ANKRD18B: variants seen among roughly 807,000 people sequenced by gnomAD.
ANKRD18B encodes ankyrin repeat domain 18B.
A neutral mutation model predicts 111.8 loss-of-function variants in ANKRD18B; 75 were observed. That is an observed-to-expected ratio of 0.67 (90% CI 0.56 to 0.81). The LOEUF is 0.81. Ranked by LOEUF, ANKRD18B falls within the 40% of genes least tolerant of loss-of-function variation. ANKRD18B has a pLI of 0.00. For synonymous variants in ANKRD18B, 356 were observed against 417.3 expected (o/e 0.85, Z 1.79); for missense variants, 1,038 against 1,225.5 (o/e 0.85, Z 2.28).
chr9:33,540,031 C>G (rs979870427), intron 7 of ANKRD18B, 47 bp from the exon 8 acceptor site: 6 of 151,790 alleles, frequency 4.0e-5, no homozygotes, highest in Non-Finnish European at 8.8e-5. Flanking sequence ...AATTCAGAAG[C>G]ATGCAGGGGA....
intron 12 of ANKRD18B, among the ~76,000 whole-genome samples, chr9:33,553,551 C>T (rs1828477930): frequency 6.6e-6 from 1 of 152,034 alleles, no homozygotes; most frequent in African/African-American, 2.4e-5. Context: ...AAGCAGGAGA[C>T]TACCTGGATT....
chr9:33,539,219 G>A (rs1465780553), intron 6 of ANKRD18B, among the ~76,000 whole-genome samples: 1 of 152,122 alleles, frequency 6.6e-6, no homozygotes, highest in Non-Finnish European at 1.5e-5. Context: ...CTGAAATAGT[G>A]TTTACTGTGT....
intron 2 of ANKRD18B, 26 bp from the exon 3 acceptor site, chr9:33,528,974 T>G: frequency 6.2e-7 from 1 of 1,610,860 alleles, no homozygotes; most frequent in South Asian, 1.1e-5. Flanking sequence ...GAATTTATAG[T>G]CTAGTTTTTT....
chr9:33,568,545 G>C, intron 16 of ANKRD18B, 126 bp from the exon 17 acceptor site: 1 of 758,610 alleles, frequency 1.3e-6, no homozygotes, highest in Non-Finnish European at 2.0e-6. Flanking sequence ...ACACATCTTC[G>C]TGTGAAAACA....
Position 33,548,640 on chromosome 9 carries a change from C to T in ANKRD18B, c.1852C>T (p.Arg618Cys), listed in dbSNP as rs1180519676. Reference sequence around the variant, plus strand: ...GCAGAACTCTTCAGAGGAGAGAATACGTCAACGAGAACTTGAAAATCTCTT... The same window carrying T: ...GCAGAACTCTTCAGAGGAGAGAATATGTCAACGAGAACTTGAAAATCTCTT... ...GKQNSSEERI[R>C]QRELENLLLE... Residue 618 changes from arginine (R) to cysteine (C), a missense_variant, in exon 11 of 19, where the codon CGT (arginine) becomes TGT (cysteine). This residue lies in a region of ANKRD18B where 524 missense variants were observed against 677.9 expected (regional missense o/e 0.77). Transcript: ENST00000684830. The T allele has an allele frequency of 3.9e-6, 6 of 1,551,206 alleles. No individual in the cohort carries two copies. In the Admixed American group the frequency reaches 5.9e-5, roughly 15 times the overall value.
At chr9:33,570,015 C>G (rs1183664715) in intron 17 of ANKRD18B, among the ~76,000 whole-genome samples, 2 of 152,182 alleles carry the variant, frequency 1.3e-5, no homozygotes, top group African/African-American at 4.8e-5. Flanking sequence ...CATTGCAGCA[C>G]TATTCACAAT....
Position 33,533,420 on chromosome 9 carries a change from T to G in ANKRD18B, c.496-19T>G. ...ATATGTAATTTTGTGAATTATAAAT[T>G]GTTTTTGCTTTCTTACAGGAGGGAA... On this transcript the variant is annotated intron_variant, in intron 3 of 18. Coordinates refer to ENST00000684830, the MANE Select transcript of ANKRD18B (RefSeq NM_001393611.1). The G allele has an allele frequency of 1.3e-6, 2 of 1,509,880 alleles. No homozygotes were observed. Among genetic ancestry groups the G allele is most frequent in the Non-Finnish European group, 1.8e-6 (2 of 1,133,032 alleles). 93.5% of individuals were successfully genotyped at this position (1,509,880 alleles called of 1,614,324 possible).
intron 17 of ANKRD18B, among the ~76,000 whole-genome samples, chr9:33,569,991 T>G (rs10813997): frequency 0.28 from 42,478 of 152,142 alleles, 6,839 homozygotes; most frequent in East Asian, 0.43. Context: ...AAAAGATACA[T>G]GCACATGTAT....
At chr9:33,568,201 A>C (rs1052637876) in intron 16 of ANKRD18B, among the ~76,000 whole-genome samples, 28 of 152,256 alleles carry the variant, frequency 1.8e-4, no homozygotes, top group African/African-American at 6.8e-4. Flanking sequence ...TGTTCATTTT[A>C]GTTTCCTTAA....
At chr9:33,524,811 G>T in intron 1 of ANKRD18B, 116 bp downstream of exon 1, 1 of 1,240,624 alleles carries the variant, frequency 8.1e-7, no homozygotes, top group Non-Finnish European at 1.1e-6. Flanking sequence ...GCCAAATGGA[G>T]CCTCAGCTGC....
chr9:33,534,387 C>T lies in ANKRD18B; in HGVS notation c.620C>T (p.Ala207Val), dbSNP rs1210999421. Residue 207 changes from alanine (A) to valine (V), a missense_variant, in exon 5 of 19, where the codon GCA becomes GTA. This residue lies in a region of ANKRD18B where 93 missense variants were observed against 141.3 expected (regional missense o/e 0.66). Coordinates refer to ENST00000684830, the MANE Select transcript of ANKRD18B (RefSeq NM_001393611.1). ...DNFKRTALIL[A>V]VQHNLSSIVT... The stretch of plus-strand genomic sequence containing the variant: ...TGTTTTAGAACAGCCCTCATACTTG[C>T]AGTACAGCATAACTTGTCAAGTATC... 1.3e-6 allele frequency: 2 copies of T among 1,545,594 alleles called. No individual in the cohort carries two copies. Among genetic ancestry groups the T allele is most frequent in the Non-Finnish European group, 8.7e-7 (1 of 1,145,118 alleles).
At chr9:33,533,648 T>TA in intron 4 of ANKRD18B, 103 bp downstream of exon 4, 1 of 1,426,028 alleles carries the variant, frequency 7.0e-7, no homozygotes, top group Non-Finnish European at 9.2e-7. Context: ...ATTAAACTTA[T>TA]AATTATTGGC....
chr9:33,535,815 ATATATT>A (rs939662120), intron 5 of ANKRD18B, among the ~76,000 whole-genome samples: 25 of 144,824 alleles, frequency 1.7e-4, no homozygotes, highest in Non-Finnish European at 3.6e-4. Flanking sequence ...TATATAATCT[ATATATT>A]ATATATAGAT....
In ANKRD18B at chr9:33,534,609, A is replaced by G. The variant is rs1178685793; in HGVS notation, c.740+102A>G. The G allele has an allele frequency of 4.3e-6, 6 of 1,399,424 alleles. No individual in the cohort carries two copies. The African/African-American group carries it at 8.8e-5, about 21-fold the overall frequency. The allele number at this position is 1,399,424 out of a possible 1,614,324, so 86.7% of individuals were successfully genotyped here. A position where few individuals can be genotyped will look rare whatever the true frequency, so the allele number is the denominator to read the frequency against. On this transcript the variant is annotated intron_variant, in intron 5 of 18. Transcript: ENST00000684830. ...TAGGTGACAGTTCATAGTTTGGTTGAGGTAGTTTGGAATGGCAACAAGTTA... is the reference window on the plus strand; with the variant it reads ...TAGGTGACAGTTCATAGTTTGGTTGGGGTAGTTTGGAATGGCAACAAGTTA...
At chr9:33,571,614 A>G (rs7036549) in intron 18 of ANKRD18B, 150,837 of 153,888 alleles carry the variant, frequency 0.98, 73,989 homozygotes, top group East Asian at 1. Context: ...CAAAAACAAA[A>G]GCATCAATTG....
intron 14 of ANKRD18B, among the ~76,000 whole-genome samples, chr9:33,560,005 A>G (rs1327380008): frequency 6.6e-6 from 1 of 152,112 alleles, no homozygotes; most frequent in Non-Finnish European, 1.5e-5. Context: ...CCTTCTTCGT[A>G]TAGATTTGCG....
In ANKRD18B at chr9:33,524,351, TG is replaced by T. The variant is rs2117945741; in HGVS notation, c.-134del. 1 of 1,288,160 alleles carries T rather than the reference TG, an allele frequency of 7.8e-7. No homozygotes were observed. Among genetic ancestry groups the T allele is most frequent in the East Asian group, 2.8e-5 (1 of 36,086 alleles). The allele number at this position is 1,288,160 out of a possible 1,614,324, so 79.8% of individuals were successfully genotyped here. A position where few individuals can be genotyped will look rare whatever the true frequency, so the allele number is the denominator to read the frequency against. ...CGGATTCTGAGCTACATCGCGGGTT[TG>T]GGGGTGCATCTTGGATTTAGGGGTG... On this transcript the variant is annotated 5_prime_UTR_variant, in exon 1 of 19. Transcript: ENST00000684830.
chr9:33,545,533 C>A (rs1208151075), intron 10 of ANKRD18B, among the ~76,000 whole-genome samples: 1 of 152,212 alleles, frequency 6.6e-6, no homozygotes, highest in Admixed American at 6.5e-5. Flanking sequence ...CCATATGGAA[C>A]TTAGAAGCTC....
At chr9:33,564,531 T>G (rs1011684839) in intron 14 of ANKRD18B, among the ~76,000 whole-genome samples, 4 of 152,246 alleles carry the variant, frequency 2.6e-5, no homozygotes, top group Admixed American at 2.6e-4. Flanking sequence ...TTGTGATCTA[T>G]TGTTTTCTTT....
Sources: allele counts gnomAD v4.1 joint callset (sites outside exome capture counted in the v4.1 genomes callset), GRCh38; gene constraint gnomAD v4.1.1; regional missense constraint gnomAD v4.1.1; transcripts MANE v1.5; gene names NCBI Gene and HGNC (gene_info 2026-07-23, HGNC 2026-07-21).